Variants in MEIS2 observed in about 807,000 individuals in gnomAD.
MEIS2 encodes the protein homeobox protein Meis2.
MEIS2 carries 9 observed loss-of-function variants against 58.6 expected under a neutral mutation model. The ratio of observed to expected loss-of-function variants is 0.15; its 90% confidence interval spans 0.09 to 0.27. The LOEUF is 0.27. Ranked by LOEUF, MEIS2 falls within the 10% of genes least tolerant of loss-of-function variation. The probability of loss-of-function intolerance (pLI) is 1.00; values close to 1 mark genes in which losing one functional copy is unlikely to be tolerated. For synonymous variants in MEIS2, 221 were observed against 228.4 expected, an observed-to-expected ratio of 0.97 and a Z score of 0.29; for missense variants, 427 against 635.0, an observed-to-expected ratio of 0.67 and a Z score of 3.52.
At chr15:36,970,359 G>C (rs1330316515) in intron 8 of MEIS2, among the ~76,000 whole-genome samples, 1 of 150,942 alleles carries the variant, frequency 6.6e-6, no homozygotes, top group Non-Finnish European at 1.5e-5. Context: ...AGCCGAGATC[G>C]CGCCACTGCA....
intron 7 of MEIS2, among the ~76,000 whole-genome samples, chr15:37,046,831 TAA>T (rs968245015): frequency 2.6e-3 from 71 of 27,598 alleles, no homozygotes; most frequent in Admixed American, 3.4e-3. Context: ...TATTCTCGTT[TAA>T]AAAATATATA....
Position 37,093,741 on chromosome 15 carries a change from G to A in MEIS2, c.490-11C>T. 6.2e-7 allele frequency: 1 copy of A among 1,613,682 alleles called. No homozygotes were observed. The highest frequency in any genetic ancestry group is 8.5e-7 in the Non-Finnish European group (1 of 1,179,596). On this transcript the variant is annotated splice_polypyrimidine_tract_variant and intron_variant, in intron 5 of 11. Coordinates refer to ENST00000561208, the MANE Select transcript of MEIS2 (RefSeq NM_170675.5). ...GCACAGTTCGTGGACCTAGAACGAA[G>A]GTCATGGTGGAGGGTTTAGCTCATG...
At chr15:36,965,850 A>C (rs1206790733) in intron 8 of MEIS2, among the ~76,000 whole-genome samples, 1 of 152,242 alleles carries the variant, frequency 6.6e-6, no homozygotes, top group African/African-American at 2.4e-5. Flanking sequence ...CAAGAAAAAA[A>C]GAGCTCACTG....
chr15:37,019,547 G>A (rs908024534), intron 8 of MEIS2, among the ~76,000 whole-genome samples: 4 of 152,152 alleles, frequency 2.6e-5, no homozygotes, highest in Non-Finnish European at 5.9e-5. Flanking sequence ...AAATTGCAAA[G>A]CATTCAGGAA....
chr15:37,007,758 T>A (rs116638731), intron 8 of MEIS2, among the ~76,000 whole-genome samples: 1 of 152,366 alleles, frequency 6.6e-6, no homozygotes, highest in African/African-American at 2.4e-5. Context: ...ACTTCAATTT[T>A]AAAAACGCCA....
At chr15:37,044,657 C>T (rs2062586457) in intron 7 of MEIS2, among the ~76,000 whole-genome samples, 1 of 152,158 alleles carries the variant, frequency 6.6e-6, no homozygotes, top group Non-Finnish European at 1.5e-5. Flanking sequence ...ACCTTTAAAA[C>T]TTAGTGAAAA....
At chr15:37,095,863 G>T in intron 3 of MEIS2, 1 of 559,722 alleles carries the variant, frequency 1.8e-6, no homozygotes, top group Non-Finnish European at 3.1e-6. Flanking sequence ...CGTTCTCAGG[G>T]CCTCGAGTTC....
At chr15:36,953,579 C>A (rs894780472) in intron 8 of MEIS2, among the ~76,000 whole-genome samples, 1 of 151,996 alleles carries the variant, frequency 6.6e-6, no homozygotes, top group African/African-American at 2.4e-5. Context: ...GATTAGGATT[C>A]CCCTCATCAA....
chr15:36,995,829 G>A (rs1433598800), intron 8 of MEIS2, among the ~76,000 whole-genome samples: 1 of 145,870 alleles, frequency 6.9e-6, no homozygotes. Flanking sequence ...GAACTATTGC[G>A]GTAAGTGAGC....
At chr15:37,077,974 G>A (rs1489782211) in intron 7 of MEIS2, among the ~76,000 whole-genome samples, 2 of 151,982 alleles carry the variant, frequency 1.3e-5, no homozygotes, top group African/African-American at 4.8e-5. Flanking sequence ...GAGCAGAAAG[G>A]GATACATTTA....
chr15:36,968,465 G>C (rs1342879394), intron 8 of MEIS2, among the ~76,000 whole-genome samples: 1 of 152,174 alleles, frequency 6.6e-6, no homozygotes, highest in Admixed American at 6.5e-5. Context: ...GCTGTGTTGA[G>C]AGCTGCCTAG....
intron 8 of MEIS2, among the ~76,000 whole-genome samples, chr15:37,002,251 A>G: frequency 6.9e-6 from 1 of 145,410 alleles, no homozygotes; most frequent in Non-Finnish European, 1.5e-5. Flanking sequence ...TGCTGGCTCC[A>G]GCCCCCACCC....
intron 6 of MEIS2, among the ~76,000 whole-genome samples, chr15:37,088,442 A>G (rs1487586845): frequency 6.6e-6 from 1 of 152,200 alleles, no homozygotes; most frequent in Non-Finnish European, 1.5e-5. Context: ...TTTAACTCCT[A>G]ATTAACATTA....
At chr15:36,964,276 T>C (rs868506620) in intron 8 of MEIS2, among the ~76,000 whole-genome samples, 1 of 152,256 alleles carries the variant, frequency 6.6e-6, no homozygotes. Context: ...CATTGCTGTA[T>C]GTCCAGCTTC....
chr15:37,010,356 A>G (rs1595918962), intron 8 of MEIS2, among the ~76,000 whole-genome samples: 1 of 151,400 alleles, frequency 6.6e-6, no homozygotes. Context: ...CAAAGTGCTG[A>G]GATTACAGGC....
chr15:36,947,461 G>A (rs542751423), intron 9 of MEIS2, among the ~76,000 whole-genome samples: 19 of 152,024 alleles, frequency 1.2e-4, no homozygotes, highest in African/African-American at 3.1e-4. Context: ...CATCAAGTGC[G>A]TGAAGCCATG....
At chr15:37,062,363 T>A (rs1596046441) in intron 7 of MEIS2, among the ~76,000 whole-genome samples, 1 of 152,238 alleles carries the variant, frequency 6.6e-6, no homozygotes, top group East Asian at 1.9e-4. Context: ...AAGAAAATCA[T>A]TTGTGAATGT....
At chr15:36,992,184 C>G (rs566311972) in intron 8 of MEIS2, among the ~76,000 whole-genome samples, 1 of 152,136 alleles carries the variant, frequency 6.6e-6, no homozygotes, top group African/African-American at 2.4e-5. Flanking sequence ...ACTTTTTGGT[C>G]TGCCAGATTA....
intron 7 of MEIS2, among the ~76,000 whole-genome samples, chr15:37,051,978 C>CAAAA (rs34511475): frequency 0.031 from 4,598 of 149,894 alleles, 219 homozygotes; most frequent in African/African-American, 0.11. Context: ...ATCCAAGTTG[C>CAAAA]AAAAAAAAAA....
Sources: gnomAD v4.1 joint callset for allele counts (sites outside exome capture counted in the v4.1 genomes callset) on GRCh38, gnomAD v4.1.1 for gene constraint, MANE v1.5 for transcripts, NCBI Gene and HGNC (gene_info 2026-07-23, HGNC 2026-07-21) for gene names.